Variants in DLGAP2 observed in about 807,000 individuals in gnomAD.
DLGAP2 encodes the protein disks large-associated protein 2.
In DLGAP2, 26 loss-of-function variants were observed where a neutral mutation model predicts 100.3. The ratio of observed to expected loss-of-function variants is 0.26; its 90% CI spans 0.19 to 0.36. The LOEUF (loss-of-function observed/expected upper bound fraction) is 0.36, where lower values mean the gene tolerates loss of function less well. Among genes scored for constraint, DLGAP2 ranks in the 10% least tolerant of loss-of-function variants. The probability of loss-of-function intolerance (pLI) is 1.00; values close to 1 mark genes in which losing one functional copy is unlikely to be tolerated. For missense variants in DLGAP2, 1,858 were observed against 1,453.2 expected (o/e 1.28, Z -4.53); for synonymous variants, 886 against 630.1 (o/e 1.41, Z -6.08).
At chr8:1,636,064 T>G (rs1360673623) in intron 8 of DLGAP2, among the ~76,000 whole-genome samples, 1 of 152,252 alleles carries the variant, frequency 6.6e-6, no homozygotes, top group African/African-American at 2.4e-5. Flanking sequence ...TATTGATTAG[T>G]GTCCTCCCCT....
intron 1 of DLGAP2, among the ~76,000 whole-genome samples, chr8:864,002 G>T: frequency 6.6e-6 from 1 of 152,172 alleles, no homozygotes; most frequent in East Asian, 1.9e-4. Context: ...GTACACAGTG[G>T]ATATGACTCA....
chr8:1,560,373 C>T (rs1329087673), intron 5 of DLGAP2, among the ~76,000 whole-genome samples: 1 of 152,216 alleles, frequency 6.6e-6, no homozygotes, highest in Non-Finnish European at 1.5e-5. Context: ...TCGTGAGCAT[C>T]TTTTCATCGC....
At chr8:888,107 A>G (rs1337193156) in intron 1 of DLGAP2, among the ~76,000 whole-genome samples, 1 of 151,916 alleles carries the variant, frequency 6.6e-6, no homozygotes, top group African/African-American at 2.4e-5. Flanking sequence ...GCCTTATGTA[A>G]GGTCTGTATG....
rs549641964 is a variant in DLGAP2 at position 984,114 on chromosome 8, G to C, written c.73+76148G>C. Among the ~76,000 whole-genome samples the C allele has an allele frequency of 5.3e-4, 81 of 152,306 alleles. 1 individual carries two copies. The Middle Eastern group carries it at 0.024, about 45-fold the overall frequency. The stretch of plus-strand genomic sequence containing the variant: ...TGTCCCTACCTCGTAGCAGGAAACT[G>C]TTTATTGGGATTCCCAAAAGTAAGT... On this transcript the variant is annotated intron_variant, in intron 2 of 14. Transcript: ENST00000637795.
chr8:960,446 G>A (rs1490670561), intron 2 of DLGAP2, among the ~76,000 whole-genome samples: 1 of 151,698 alleles, frequency 6.6e-6, no homozygotes, highest in Non-Finnish European at 1.5e-5. Context: ...TGGCCAGGGT[G>A]GTCTTGAACT....
chr8:986,534 G>C (rs79974780), intron 2 of DLGAP2, among the ~76,000 whole-genome samples: 13,814 of 152,028 alleles, frequency 0.091, 838 homozygotes, highest in Non-Finnish European at 0.13. Context: ...CTAAAACAAA[G>C]TTTCTTCCAA....
At chr8:960,252 T>TTTTTTTTTTTTTTTTTC (rs369284313) in intron 2 of DLGAP2, among the ~76,000 whole-genome samples, 3 of 142,016 alleles carry the variant, frequency 2.1e-5, no homozygotes, top group African/African-American at 8.3e-5. Context: ...TTTTTTTTTT[T>TTTTTTTTTTTTTTTTTC]CCCGAGACAC....
At chr8:1,284,405 G>T (rs916297725) in intron 3 of DLGAP2, among the ~76,000 whole-genome samples, 1 of 152,134 alleles carries the variant, frequency 6.6e-6, no homozygotes, top group Non-Finnish European at 1.5e-5. Context: ...GTGCAGCACG[G>T]AGAGGAGACA....
intron 2 of DLGAP2, among the ~76,000 whole-genome samples, chr8:1,174,908 C>G (rs1797221078): frequency 6.6e-6 from 1 of 152,092 alleles, no homozygotes; most frequent in African/African-American, 2.4e-5. Flanking sequence ...GGAGGCAGCT[C>G]TGAGAGAGCT....
chr8:1,012,412 C>T (rs1425827353), intron 2 of DLGAP2, among the ~76,000 whole-genome samples: 8 of 152,256 alleles, frequency 5.3e-5, no homozygotes, highest in Admixed American at 2.6e-4. Context: ...CAGGCTGCTG[C>T]GCGAGCGAGG....
intron 6 of DLGAP2, among the ~76,000 whole-genome samples, chr8:1,622,644 A>G (rs755916158): frequency 6.6e-6 from 1 of 152,182 alleles, no homozygotes; most frequent in African/African-American, 2.4e-5. Flanking sequence ...GTGGATGACA[A>G]TCTAAGGGGA....
intron 12 of DLGAP2, chr8:1,680,402 T>G (rs1051572738): frequency 1.3e-5 from 2 of 152,348 alleles, no homozygotes; most frequent in Non-Finnish European, 2.9e-5. Context: ...GCCTCGGCAG[T>G]CTGAGAAAAT....
rs192064698 is a variant in DLGAP2 at position 1,165,387 on chromosome 8, G to A, written c.74-93464G>A. Among the ~76,000 whole-genome samples, 401 of 152,326 alleles carry A rather than the reference G, an allele frequency of 2.6e-3. 1 individual carries two copies. Among genetic ancestry groups the A allele is most frequent in the Non-Finnish European group, 4.7e-3 (319 of 68,032 alleles). ...TTGGCTACCAAGCGCTGGCACAGCC[G>A]GGCTCGGGTCTTAGGGGACAGGTGC... On this transcript the variant is annotated intron_variant, in intron 2 of 14. Transcript: ENST00000637795.
Position 1,280,123 on chromosome 8 carries a change from A to T in DLGAP2, c.106+21240A>T, listed in dbSNP as rs1445957258. 2.0e-5 allele frequency among the ~76,000 whole-genome samples: 3 copies of T among 152,180 alleles called. No individual in the cohort carries two copies. The East Asian group carries it at 5.8e-4, about 29-fold the overall frequency. ...TCTTGGGACCTTAACTGATCCCCAG[A>T]TGTGGCTTCAGGGGTCGCATAATTC... On this transcript the variant is annotated intron_variant, in intron 3 of 14. Transcript: ENST00000637795.
At chr8:1,552,949 T>C (rs1036536362) in intron 5 of DLGAP2, among the ~76,000 whole-genome samples, 1 of 152,192 alleles carries the variant, frequency 6.6e-6, no homozygotes, top group Non-Finnish European at 1.5e-5. Flanking sequence ...AGACTAAGCA[T>C]CTAAGGTCAA....
chr8:1,201,263 C>G (rs1425808638), intron 2 of DLGAP2, among the ~76,000 whole-genome samples: 2 of 152,194 alleles, frequency 1.3e-5, no homozygotes, highest in East Asian at 3.9e-4. Context: ...TGGCAGGTCC[C>G]AACCACAGAG....
chr8:1,043,280 CGTGGGTGGTGGGT>C (rs1563161514), intron 2 of DLGAP2, among the ~76,000 whole-genome samples: 2 of 27,184 alleles, frequency 7.4e-5, no homozygotes, highest in Admixed American at 4.6e-4. Context: ...GGGTGGTGGA[CGTGGGTGGTGGGT>C]GTGGGTGGTG....
At chr8:1,299,036 C>A (rs1585235242) in intron 3 of DLGAP2, among the ~76,000 whole-genome samples, 1 of 152,198 alleles carries the variant, frequency 6.6e-6, no homozygotes, top group African/African-American at 2.4e-5. Context: ...TTACTGCCAT[C>A]CGTCTAGACC....
Position 1,555,487 on chromosome 8 carries a change from G to A in DLGAP2, c.1230+5804G>A, listed in dbSNP as rs996185744. On this transcript the variant is annotated intron_variant, in intron 5 of 14. Transcript: ENST00000637795. ...TGGGCCACCGCTTCCCCCCGGCCCC[G>A]ACTGCCACAGAATCCTCTCCCACCT... Among the ~76,000 whole-genome samples, 10 of 152,144 alleles carry A rather than the reference G, an allele frequency of 6.6e-5. No individual in the cohort carries two copies. The South Asian group carries it at 1.0e-3, about 16-fold the overall frequency.
Sources: gnomAD v4.1 joint callset for allele counts (sites outside exome capture counted in the v4.1 genomes callset) on GRCh38, gnomAD v4.1.1 for gene constraint, MANE v1.5 for transcripts, NCBI Gene and HGNC (gene_info 2026-07-23, HGNC 2026-07-21) for gene names.